VAV2: variants seen among roughly 807,000 people sequenced by gnomAD.
VAV2 encodes the protein guanine nucleotide exchange factor VAV2.
In VAV2, 67 loss-of-function variants were observed where a neutral mutation model predicts 132.5. That is an observed-to-expected ratio of 0.51 (90% CI 0.42 to 0.62). The LOEUF is 0.62. Ranked by LOEUF, VAV2 falls within the 20% of genes least tolerant of loss-of-function variation. The pLI is 0.00. For synonymous variants in VAV2, 492 were observed against 443.5 expected (o/e 1.11, Z -1.37); for missense variants, 938 against 1,153.6 (o/e 0.81, Z 2.71).
At chr9:133,806,285 G>C (rs542689131) in intron 8 of VAV2, 104 bp from the exon 9 acceptor site, 975 of 1,138,790 alleles carry the variant, frequency 8.6e-4, no homozygotes, top group Middle Eastern at 1.6e-3. Flanking sequence ...CCTCAAGGAG[G>C]GGAGGGGCCC....
chr9:133,964,040 T>TATATATAC (rs1554819026), intron 1 of VAV2, among the ~76,000 whole-genome samples: 6 of 104,054 alleles, frequency 5.8e-5, no homozygotes, highest in South Asian at 4.0e-4. Flanking sequence ...TATATATATA[T>TATATATAC]ATATATATAC....
intron 2 of VAV2, among the ~76,000 whole-genome samples, chr9:133,871,642 T>C (rs1838060247): frequency 1.3e-5 from 2 of 152,106 alleles, no homozygotes; most frequent in Non-Finnish European, 2.9e-5. Flanking sequence ...GAGTCCCTAA[T>C]ACACCCTTGA....
chr9:133,784,920 C>T lies in VAV2; in HGVS notation c.1533-502G>A, dbSNP rs531332736. On this transcript the variant is annotated intron_variant, in intron 17 of 29. Transcript: ENST00000371850. Reference sequence around the variant, plus strand: ...GGATGGCGGCAGCGTGGTGAGAAGACGGCTATTCACCATCACGTCGCTTCA... The same window carrying T: ...GGATGGCGGCAGCGTGGTGAGAAGATGGCTATTCACCATCACGTCGCTTCA... Among the ~76,000 whole-genome samples, 15 of 152,202 alleles carry T rather than the reference C, an allele frequency of 9.9e-5. No individual in the cohort carries two copies. The South Asian group carries it at 2.3e-3, about 23-fold the overall frequency.
rs1226033978 is a variant in VAV2, at chr9:133,883,806, C to T, written c.322-22374G>A. On this transcript the variant is annotated intron_variant, in intron 2 of 29. Transcript: ENST00000371850. The surrounding 1 kb of genome is among the most constrained non-coding windows in gnomAD (Gnocchi z 4.2). The stretch of plus-strand genomic sequence containing the variant: ...GCTCAAGTACACCCCAAAACTCACA[C>T]TTGAGGTCCACAGGTGACTAGCAAC... Among the ~76,000 whole-genome samples the T allele has an allele frequency of 6.6e-6, 1 of 152,194 alleles. No homozygotes were observed. Among genetic ancestry groups the T allele is most frequent in the East Asian group, 1.9e-4 (1 of 5,186 alleles).
chr9:133,839,624 T>C (rs1256129031), intron 3 of VAV2, among the ~76,000 whole-genome samples: 2 of 151,936 alleles, frequency 1.3e-5, no homozygotes, highest in African/African-American at 4.8e-5. Flanking sequence ...TAATTTTTTG[T>C]ATTTTTAGTA....
In VAV2 at chr9:133,864,695, G is replaced by A. The variant is rs559946594; in HGVS notation, c.322-3263C>T. ...GCCCATGTGGCTGGATATGCAGCCC[G>A]CTGGGGCCCTCTGTCCCCTAAGGAC... On this transcript the variant is annotated intron_variant, in intron 2 of 29. Coordinates refer to ENST00000371850, the MANE Select transcript of VAV2 (RefSeq NM_001134398.2). Among the ~76,000 whole-genome samples, 302 of 152,374 alleles carry A rather than the reference G, an allele frequency of 2.0e-3. 11 individuals are homozygous for A. The South Asian group carries it at 0.057, about 29-fold the overall frequency.
chr9:133,919,081 G>A lies in VAV2; in HGVS notation c.321+20022C>T, dbSNP rs1840206477. On this transcript the variant is annotated intron_variant, in intron 2 of 29. Transcript: ENST00000371850. The surrounding 1 kb of genome is among the most constrained non-coding windows in gnomAD (Gnocchi z 5.8). ...AGCTACCACCCCCGGCCGCCACCAT[G>A]TTTTTAAAGACTTCCCCACATCCCA... Among the ~76,000 whole-genome samples the A allele has an allele frequency of 6.6e-6, 1 of 152,068 alleles. No homozygotes were observed. The highest frequency in any genetic ancestry group is 6.6e-5 in the Admixed American group (1 of 15,252).
At chr9:133,982,449 A>C (rs575271494) in intron 1 of VAV2, among the ~76,000 whole-genome samples, 2 of 125,616 alleles carry the variant, frequency 1.6e-5, no homozygotes, top group Admixed American at 8.0e-5. Context: ...GGGGCATGGC[A>C]GACTCTGGCT....
intron 13 of VAV2, 40 bp from the exon 14 acceptor site, chr9:133,789,383 A>G (rs759885927): frequency 4.4e-6 from 7 of 1,604,718 alleles, no homozygotes; most frequent in Non-Finnish European, 6.0e-6. Context: ...GGGCTGGAGC[A>G]GCCCCAGTTC....
intron 2 of VAV2, among the ~76,000 whole-genome samples, chr9:133,898,099 ACATACTG>A (rs11279853): frequency 0.85 from 129,647 of 151,734 alleles, 56,274 homozygotes; most frequent in East Asian, 0.94. Flanking sequence ...AGCTCTTCCA[ACATACTG>A]CATCCGGGTA....
intron 2 of VAV2, among the ~76,000 whole-genome samples, chr9:133,896,582 C>T (rs1376467163): frequency 6.6e-6 from 1 of 152,194 alleles, no homozygotes; most frequent in African/African-American, 2.4e-5. Context: ...CTCCACTATG[C>T]GAAACTTTCA....
At chr9:133,792,878 A>G (rs1215590063) in intron 12 of VAV2, among the ~76,000 whole-genome samples, 2 of 152,054 alleles carry the variant, frequency 1.3e-5, no homozygotes, top group African/African-American at 4.8e-5. Context: ...AAGAGCCCCA[A>G]ACTCCTGGCT....
chr9:133,881,614 G>T (rs1838499419), intron 2 of VAV2, among the ~76,000 whole-genome samples: 1 of 152,220 alleles, frequency 6.6e-6, no homozygotes, highest in East Asian at 1.9e-4. Context: ...TGGTGGGCCT[G>T]GCAGCCAGCC....
Position 133,784,369 on chromosome 9 carries a change from T to A in VAV2, c.1582A>T (p.Met528Leu). The stretch of plus-strand genomic sequence containing the variant: ...TTGGTGGTCTTGTCAAACGTGTACA[T>A]CTGGAAACTGTGGTGGTTGGCATTG... ...KANANHHSFQMYTFDKTTNCK... is the reference protein window; with the variant it reads ...KANANHHSFQLYTFDKTTNCK... The change falls in exon 18 of 30, where the codon ATG (methionine) becomes TTG (leucine). Residue 528 changes from methionine to leucine, a missense_variant. By Grantham distance (15) the Met-to-Leu change is conservative (BLOSUM62 2). Coordinates refer to ENST00000371850, the MANE Select transcript of VAV2 (RefSeq NM_001134398.2). The A allele has an allele frequency of 6.2e-7, 1 of 1,614,186 alleles. No individual in the cohort carries two copies. Among genetic ancestry groups the A allele is most frequent in the Non-Finnish European group, 8.5e-7 (1 of 1,180,032 alleles).
intron 9 of VAV2, among the ~76,000 whole-genome samples, chr9:133,798,576 G>C (rs1834812104): frequency 6.6e-6 from 1 of 152,164 alleles, no homozygotes; most frequent in South Asian, 2.1e-4. Flanking sequence ...CCCGGCCTCT[G>C]GAGCCTCAGG....
intron 2 of VAV2, among the ~76,000 whole-genome samples, chr9:133,872,385 T>G (rs1838091704): frequency 6.6e-6 from 1 of 152,224 alleles, no homozygotes; most frequent in Non-Finnish European, 1.5e-5. Context: ...TCTGCCATGG[T>G]GTGGCCAGGC....
chr9:133,878,795 C>T (rs570008564), intron 2 of VAV2, among the ~76,000 whole-genome samples: 11 of 152,336 alleles, frequency 7.2e-5, no homozygotes, highest in African/African-American at 2.6e-4. Context: ...AATGGGTGTG[C>T]AAAGCTGTGG....
At chr9:133,787,176 C>T (rs751968214) in intron 16 of VAV2, 70 bp downstream of exon 16, 124 of 1,457,540 alleles carry the variant, frequency 8.5e-5, no homozygotes, top group Non-Finnish European at 1.0e-4. Flanking sequence ...CCCCTGGCTC[C>T]GGGCAGAAGT....
Position 133,856,100 on chromosome 9 carries a change from G to A in VAV2, c.380+5274C>T, listed in dbSNP as rs117786874. ...CCATGGACATGAAACATCCAGAACA[G>A]GCAAACAGAAAGCAGGCTGGGGGCT... On this transcript the variant is annotated intron_variant, in intron 3 of 29. Coordinates refer to ENST00000371850, the MANE Select transcript of VAV2 (RefSeq NM_001134398.2). 1.9e-3 allele frequency among the ~76,000 whole-genome samples: 291 copies of A among 152,318 alleles called. 1 individual carries two copies. The highest frequency in any genetic ancestry group is 3.3e-3 in the Non-Finnish European group (223 of 68,028).
Sources: gnomAD v4.1 joint callset for allele counts (sites outside exome capture counted in the v4.1 genomes callset) on GRCh38, gnomAD v4.1.1 for gene constraint, Gnocchi (gnomAD v3.1) non-coding constraint, MANE v1.5 for transcripts, NCBI Gene and HGNC (gene_info 2026-07-23, HGNC 2026-07-21) for gene names.